The following TNFRSF18 variants were observed in gnomAD, a reference collection of about 807,000 sequenced individuals.
TNFRSF18 encodes TNF receptor superfamily member 18, also known as tumor necrosis factor receptor superfamily member 18.
In TNFRSF18, 36 loss-of-function variants were observed where a neutral mutation model predicts 30.2. The ratio of observed to expected loss-of-function variants is 1.19; its 90% confidence interval spans 0.91 to 1.58. The LOEUF is 1.58. Among genes scored for constraint, TNFRSF18 ranks in the 40% most tolerant of loss-of-function variants. The pLI is 0.00. For synonymous variants in TNFRSF18, 173 were observed against 158.3 expected (o/e 1.09, Z -0.70); for missense variants, 369 against 345.4 (o/e 1.07, Z -0.54).
At chr1:1,206,010 G>A (rs949277876) in intron 1 of TNFRSF18, among the ~76,000 whole-genome samples, 1 of 152,224 alleles carries the variant, frequency 6.6e-6, no homozygotes, top group Non-Finnish European at 1.5e-5. Context: ...TCAGAGGCAG[G>A]CAGCAGGCCA....
At chr1:1,205,231 C>G in intron 2 of TNFRSF18, 139 bp downstream of exon 2, 1 of 1,323,300 alleles carries the variant, frequency 7.6e-7, no homozygotes, top group Non-Finnish European at 1.0e-6. Flanking sequence ...TGAGCATGGC[C>G]TGGCCTGCCC....
At chr1:1,205,560 G>C (rs1026720906) in intron 1 of TNFRSF18, 68 bp from the exon 2 acceptor site, 1 of 1,548,116 alleles carries the variant, frequency 6.5e-7, no homozygotes, top group South Asian at 1.2e-5. Flanking sequence ...GCCTCCCCTC[G>C]GCCCTCCAGG....
At chr1:1,206,345 G>T in intron 1 of TNFRSF18, 40 bp downstream of exon 1, 1 of 1,538,614 alleles carries the variant, frequency 6.5e-7, no homozygotes, top group Non-Finnish European at 8.8e-7. Context: ...TCCGCGGGAC[G>T]CCTTGGCCGG....
chr1:1,203,987 C>T lies in TNFRSF18; in HGVS notation c.602-19G>A, dbSNP rs1340297804. The T allele has an allele frequency of 6.2e-7, 1 of 1,606,644 alleles. No individual in the cohort carries two copies. The highest frequency in any genetic ancestry group is 2.2e-5 in the East Asian group (1 of 44,784). On this transcript the variant is annotated intron_variant, in intron 4 of 4. Transcript: ENST00000379268. ...TGGGTCTCTGCAGGGGGGCCACGGT[C>T]AGCAGGCAGCCATGCTCCCACCTCC...
rs761545581 is a variant in TNFRSF18, at chr1:1,203,896, C to G, written c.674G>C (p.Arg225Pro). 6.2e-7 allele frequency: 1 copy of G among 1,606,474 alleles called. No individual in the cohort carries two copies. The highest frequency in any genetic ancestry group is 1.1e-5 in the South Asian group (1 of 90,698). Residue 225 changes from arginine to proline, a missense_variant, in exon 5 of 5, where the codon CGG (arginine) becomes CCG (proline). Coordinates refer to ENST00000379268, the MANE Select transcript of TNFRSF18 (RefSeq NM_004195.3). ...ARSCQFPEEE[R>P]GERSAEEKGR... is the part of the protein sequence containing the mutation. ...CTTCTCCTCTGCCGATCGCTCGCCCCGCTCTTCCTCGGGGAACTGGCAGCT... is the reference window on the plus strand; with the variant it reads ...CTTCTCCTCTGCCGATCGCTCGCCCGGCTCTTCCTCGGGGAACTGGCAGCT...
rs1310645414 is a variant in TNFRSF18 at position 1,203,943 on chromosome 1, C to T, written c.627G>A (p.Pro209=). 19 of 1,606,890 alleles carry T rather than the reference C, an allele frequency of 1.2e-5. No individual in the cohort carries two copies. The highest frequency in any genetic ancestry group is 2.2e-5 in the East Asian group (1 of 44,864). The change falls in exon 5 of 5, where the codon CCG becomes CCA. Residue 209 remains proline (P), a synonymous_variant. Coordinates refer to ENST00000379268, the MANE Select transcript of TNFRSF18 (RefSeq NM_004195.3). ...PRETQLLLEV[P]PSTEDARSCQ... is the part of the protein sequence containing the mutation. ...AGCTTCTGGCGTCTTCGGTCGACGG[C>T]GGCACCTCCAGCAGCAGCTGGGTCT... is the stretch of plus-strand genomic sequence containing the variant.
chr1:1,203,539 G>A lies in TNFRSF18; in HGVS notation c.*305C>T. 4.2e-6 allele frequency: 6 copies of A among 1,443,062 alleles called. No individual in the cohort carries two copies. The highest frequency in any genetic ancestry group is 5.4e-6 in the Non-Finnish European group (6 of 1,104,120). 89.4% of individuals were successfully genotyped at this position (1,443,062 alleles called of 1,614,324 possible). On this transcript the variant is annotated 3_prime_UTR_variant, in exon 5 of 5. Transcript: ENST00000379268. ...GACAAGTGTTTATTGAAGGTCCCCTGCAGCCGGGTCCCGTGCTGGGCACTG... is the reference window on the plus strand; with the variant it reads ...GACAAGTGTTTATTGAAGGTCCCCTACAGCCGGGTCCCGTGCTGGGCACTG...
intron 3 of TNFRSF18, 31 bp from the exon 4 acceptor site, chr1:1,204,267 C>T (rs1327927376): frequency 6.3e-7 from 1 of 1,598,182 alleles, no homozygotes; most frequent in Non-Finnish European, 8.5e-7. Context: ...CTCCTATCAG[C>T]CCCCGGACAC....
At chr1:1,204,257 C>A (rs928997548) in intron 3 of TNFRSF18, 21 bp from the exon 4 acceptor site, 1 of 1,603,454 alleles carries the variant, frequency 6.2e-7, no homozygotes, top group Middle Eastern at 1.7e-4. Flanking sequence ...TGGACGCGGC[C>A]TCCTATCAGC....
In TNFRSF18 at chr1:1,203,867, G is replaced by A. The variant is rs140188244; in HGVS notation, c.703C>T (p.Arg235Trp). ...RGERSAEEKG[R>W]LGDLWV The stretch of plus-strand genomic sequence containing the variant: ...GCTCACACCCACAGGTCTCCCAGCC[G>A]CCCCTTCTCCTCTGCCGATCGCTCG... The change falls in exon 5 of 5, where the codon CGG (arginine) becomes TGG (tryptophan). Residue 235 changes from arginine (R) to tryptophan (W), a missense_variant. Physicochemically the swap from Arg to Trp is moderately radical, Grantham distance 101. Coordinates refer to ENST00000379268, the MANE Select transcript of TNFRSF18 (RefSeq NM_004195.3). The A allele has an allele frequency of 2.1e-4, 333 of 1,598,938 alleles. No individual in the cohort carries two copies. In the African/African-American group the frequency reaches 4.0e-3, roughly 19 times the overall value.
chr1:1,203,737 G>A lies in TNFRSF18; in HGVS notation c.*107C>T. The A allele has an allele frequency of 6.4e-7, 1 of 1,560,392 alleles. No individual in the cohort carries two copies. Among genetic ancestry groups the A allele is most frequent in the South Asian group, 1.2e-5 (1 of 85,850 alleles). ...CCACCTTCCTGCACCCACTTCTGCTGCCAGGGGAGCAGGGCCCGGCCCAGA... is the reference window on the plus strand; with the variant it reads ...CCACCTTCCTGCACCCACTTCTGCTACCAGGGGAGCAGGGCCCGGCCCAGA... On this transcript the variant is annotated 3_prime_UTR_variant, in exon 5 of 5. Transcript: ENST00000379268.
At chr1:1,205,346 C>G (rs1469414274) in intron 2 of TNFRSF18, 24 bp downstream of exon 2, 1 of 1,605,544 alleles carries the variant, frequency 6.2e-7, no homozygotes, top group African/African-American at 1.3e-5. Flanking sequence ...TGTGTGGACT[C>G]CCAGAGGCAC....
intron 1 of TNFRSF18, 81 bp from the exon 2 acceptor site, chr1:1,205,573 A>G: frequency 6.7e-7 from 1 of 1,492,094 alleles, no homozygotes; most frequent in Non-Finnish European, 9.1e-7. Flanking sequence ...CCTCCAGGGG[A>G]GTGAGGTTGT....
At chr1:1,205,254 C>G in intron 2 of TNFRSF18, 116 bp downstream of exon 2, 3 of 1,487,940 alleles carry the variant, frequency 2.0e-6, no homozygotes, top group Non-Finnish European at 2.7e-6. Context: ...CCTCACAGGA[C>G]TCCGGACCCC....
At chr1:1,206,347 C>T (rs754414383) in intron 1 of TNFRSF18, 38 bp downstream of exon 1, 112 of 1,540,316 alleles carry the variant, frequency 7.3e-5, no homozygotes, top group Middle Eastern at 2.3e-4. Context: ...CGCGGGACGC[C>T]TTGGCCGGTC....
intron 1 of TNFRSF18, 49 bp downstream of exon 1, chr1:1,206,336 C>A: frequency 6.5e-7 from 1 of 1,533,102 alleles, no homozygotes; most frequent in Non-Finnish European, 8.8e-7. Context: ...ATCCCGGCTT[C>A]CGCGGGACGC....
intron 1 of TNFRSF18, 41 bp downstream of exon 1, chr1:1,206,344 C>T (rs766666405): frequency 6.9e-5 from 106 of 1,535,934 alleles, no homozygotes; most frequent in South Asian, 3.7e-4. Flanking sequence ...TTCCGCGGGA[C>T]GCCTTGGCCG....
intron 3 of TNFRSF18, 56 bp from the exon 4 acceptor site, chr1:1,204,292 C>G: frequency 6.3e-7 from 1 of 1,591,762 alleles, no homozygotes; most frequent in Non-Finnish European, 8.6e-7. Flanking sequence ...TCCGATCAGC[C>G]CCCGGCTGCT....
intron 3 of TNFRSF18, 49 bp from the exon 4 acceptor site, chr1:1,204,285 G>A (rs773743251): frequency 1.8e-5 from 28 of 1,593,312 alleles, no homozygotes; most frequent in South Asian, 9.0e-5. Flanking sequence ...CACGGCCTCC[G>A]ATCAGCCCCC....
Sources: allele counts gnomAD v4.1 joint callset (sites outside exome capture counted in the v4.1 genomes callset), GRCh38; gene constraint gnomAD v4.1.1; transcripts MANE v1.5; gene names NCBI Gene and HGNC (gene_info 2026-07-23, HGNC 2026-07-21).